Variants in TVP23A observed in about 807,000 individuals in gnomAD.
TVP23A encodes the protein Golgi apparatus membrane protein TVP23 homolog A.
In TVP23A, 21 loss-of-function variants were observed where a neutral mutation model predicts 31.7. The observed-to-expected ratio is 0.66, with a 90% CI of 0.47 to 0.95. The LOEUF is 0.95. TVP23A is among the 40% of genes least tolerant of loss of function. TVP23A has a pLI of 0.00. For synonymous variants in TVP23A, 104 were observed against 96.0 expected, an observed-to-expected ratio of 1.08 and a Z score of -0.49; for missense variants, 279 against 255.6, an observed-to-expected ratio of 1.09 and a Z score of -0.62.
chr16:10,779,961 G>A lies in TVP23A; in HGVS notation c.90-4865C>T, dbSNP rs1045089630. On this transcript the variant is annotated intron_variant, in intron 2 of 7. Coordinates refer to ENST00000299866, the MANE Select transcript of TVP23A (RefSeq NM_001079512.4). The surrounding 1 kb of genome is among the most constrained non-coding windows in gnomAD (Gnocchi z 4.9). ...AAAATTAGCGGGTGTGGTGGTGCAC[G>A]CCTATAATTCCAGCTACTCGGGAGG... Among the ~76,000 whole-genome samples, 6 of 152,078 alleles carry A rather than the reference G, an allele frequency of 3.9e-5. No homozygotes were observed. Among genetic ancestry groups the A allele is most frequent in the South Asian group, 4.2e-4 (2 of 4,812 alleles).
chr16:10,785,654 C>T (rs539687089), intron 2 of TVP23A, among the ~76,000 whole-genome samples: 20 of 152,174 alleles, frequency 1.3e-4, no homozygotes, highest in Non-Finnish European at 2.4e-4. Context: ...CAGAGCACAG[C>T]TTGGTTTTGT....
intron 2 of TVP23A, among the ~76,000 whole-genome samples, chr16:10,782,338 C>G (rs566865772): frequency 6.6e-6 from 1 of 152,284 alleles, no homozygotes; most frequent in Admixed American, 6.5e-5. Context: ...GCAGTCAGCT[C>G]CTCTCTTGCT....
Position 10,777,422 on chromosome 16 carries a change from G to A in TVP23A, c.90-2326C>T, listed in dbSNP as rs1453184100. On this transcript the variant is annotated intron_variant, in intron 2 of 7. Transcript: ENST00000299866. The surrounding 1 kb of genome is among the most constrained non-coding windows in gnomAD (Gnocchi z 4.5). ...AATGTTGTGGGCTTTGGAAAATGCG[G>A]GGCCGAATGGGGTGGTCACAGAGAT... Among the ~76,000 whole-genome samples, 1 of 147,352 alleles carries A rather than the reference G, an allele frequency of 6.8e-6. No individual in the cohort carries two copies. The highest frequency in any genetic ancestry group is 3.3e-3 in the Middle Eastern group (1 of 306).
chr16:10,760,682 A>T (rs566132018), downstream of TVP23A, among the ~76,000 whole-genome samples: 24 of 152,276 alleles, frequency 1.6e-4, no homozygotes, highest in African/African-American at 5.5e-4. Context: ...GGCTGCAGTG[A>T]GCAATGATTA....
intron 2 of TVP23A, among the ~76,000 whole-genome samples, chr16:10,804,939 A>C (rs1029824519): frequency 2.7e-5 from 4 of 149,234 alleles, no homozygotes; most frequent in African/African-American, 9.9e-5. Context: ...GTTTCTCCCC[A>C]TTCTCCCCAC....
At chr16:10,814,683 T>G (rs552214266) in intron 2 of TVP23A, among the ~76,000 whole-genome samples, 6 of 152,374 alleles carry the variant, frequency 3.9e-5, no homozygotes, top group African/African-American at 1.4e-4. Flanking sequence ...TGTGGCTATT[T>G]ACATTCAAAT....
At position 10,772,379 on chromosome 16, in the gene TVP23A, A is replaced by AT. The variant is rs944956400; in HGVS notation, c.454-582dup. 4.6e-5 allele frequency among the ~76,000 whole-genome samples: 7 copies of AT among 151,840 alleles called. No individual in the cohort carries two copies. In the South Asian group the frequency reaches 6.2e-4, roughly 14 times the overall value. On this transcript the variant is annotated intron_variant, in intron 5 of 7. Coordinates refer to ENST00000299866, the MANE Select transcript of TVP23A (RefSeq NM_001079512.4). ...AATATTTTGTTTTCTCTATTTATTG[A>AT]TTTTTTTTAAGACGGAGCCTCACTC...
intron 2 of TVP23A, among the ~76,000 whole-genome samples, chr16:10,805,857 G>A (rs942980683): frequency 2.0e-5 from 3 of 152,056 alleles, no homozygotes; most frequent in African/African-American, 7.2e-5. Flanking sequence ...ATGAATAAAT[G>A]AATGAGCAAA....
chr16:10,795,732 C>T (rs564028543), intron 2 of TVP23A, among the ~76,000 whole-genome samples: 154 of 152,254 alleles, frequency 1.0e-3, no homozygotes, highest in African/African-American at 3.6e-3. Context: ...TTCTGGATCC[C>T]TTCAGCTCAC....
At chr16:10,800,135 T>C (rs1825916252) in intron 2 of TVP23A, among the ~76,000 whole-genome samples, 1 of 151,992 alleles carries the variant, frequency 6.6e-6, no homozygotes, top group Non-Finnish European at 1.5e-5. Flanking sequence ...CTTGCTATAT[T>C]GTCCAGGGTA....
intron 2 of TVP23A, among the ~76,000 whole-genome samples, chr16:10,793,318 G>C (rs1027449063): frequency 1.3e-4 from 20 of 152,146 alleles, no homozygotes; most frequent in African/African-American, 4.8e-4. Flanking sequence ...ATCGACTCTA[G>C]AGTCTGGGTA....
At chr16:10,775,748 T>C (rs1307789034) in intron 2 of TVP23A, among the ~76,000 whole-genome samples, 1 of 142,250 alleles carries the variant, frequency 7.0e-6, no homozygotes, top group Non-Finnish European at 1.5e-5. Context: ...GCTTTTCTTT[T>C]TTTTTTTTTT....
chr16:10,814,014 A>G lies in TVP23A; in HGVS notation c.89+4089T>C, dbSNP rs1410087183. Among the ~76,000 whole-genome samples the G allele has an allele frequency of 3.4e-5, 4 of 117,824 alleles. No individual in the cohort carries two copies. In the East Asian group the frequency reaches 1.1e-3, roughly 32 times the overall value. The allele number at this position is 117,824 out of a possible 152,430, so 77.3% of individuals were successfully genotyped here. ...AACTCCATCTCAAAAAAAAAAAAAA[A>G]AAAAAAAAAAAAAAAATTCCCTTTC... On this transcript the variant is annotated intron_variant, in intron 2 of 7. Transcript: ENST00000299866.
At chr16:10,811,104 T>C (rs1039176694) in intron 2 of TVP23A, among the ~76,000 whole-genome samples, 1 of 152,086 alleles carries the variant, frequency 6.6e-6, no homozygotes, top group African/African-American at 2.4e-5. Context: ...AAAGGGAAGA[T>C]GGGTAGGGAC....
chr16:10,798,427 T>G (rs886845496), intron 2 of TVP23A, among the ~76,000 whole-genome samples: 1 of 152,140 alleles, frequency 6.6e-6, no homozygotes, highest in African/African-American at 2.4e-5. Flanking sequence ...TGGAGCACAG[T>G]GGACACGGTA....
Position 10,817,299 on chromosome 16 carries a change from G to A in TVP23A, c.89+804C>T, listed in dbSNP as rs146739458. On this transcript the variant is annotated intron_variant, in intron 2 of 7. Transcript: ENST00000299866. ...GGGTTTATTAGGTTTGAATCAGAGA[G>A]TTTGATTTTAAAAACAGAGACTTTA... Among the ~76,000 whole-genome samples the A allele has an allele frequency of 5.8e-3, 876 of 152,336 alleles. 4 individuals are homozygous for A. The highest frequency in any genetic ancestry group is 6.5e-3 in the Non-Finnish European group (443 of 68,034).
At position 10,808,231 on chromosome 16, in the gene TVP23A, A is replaced by C. The variant is rs1253247077; in HGVS notation, c.89+9872T>G. Among the ~76,000 whole-genome samples the C allele has an allele frequency of 2.6e-5, 4 of 152,202 alleles. No homozygotes were observed. In the East Asian group the frequency reaches 5.8e-4, roughly 22 times the overall value. ...GCTATTGTTATTTTTCATTCAACAT[A>C]AGTTCCCCCAAACAGCAGCCAACAA... On this transcript the variant is annotated intron_variant, in intron 2 of 7. Coordinates refer to ENST00000299866, the MANE Select transcript of TVP23A (RefSeq NM_001079512.4).
At chr16:10,776,635 C>T (rs1448792946) in intron 2 of TVP23A, among the ~76,000 whole-genome samples, 1 of 152,016 alleles carries the variant, frequency 6.6e-6, no homozygotes, top group Non-Finnish European at 1.5e-5. Context: ...TTGGATCTCA[C>T]CCAAGAAAGA....
downstream of TVP23A, among the ~76,000 whole-genome samples, chr16:10,759,724 C>T (rs577113211): frequency 7.2e-5 from 11 of 152,168 alleles, no homozygotes; most frequent in African/African-American, 2.4e-4. The surrounding 1 kb of genome is among the most constrained non-coding windows in gnomAD (Gnocchi z 4.7). Context: ...TGCAGTGAGC[C>T]GAGATCGCGC....
Sources: gnomAD v4.1 joint callset for allele counts (sites outside exome capture counted in the v4.1 genomes callset) on GRCh38, gnomAD v4.1.1 for gene constraint, Gnocchi (gnomAD v3.1) non-coding constraint, MANE v1.5 for transcripts, NCBI Gene and HGNC (gene_info 2026-07-23, HGNC 2026-07-21) for gene names.